The following EFHD1 variants were observed in gnomAD, a reference collection of about 807,000 sequenced individuals.
The protein encoded by EFHD1 is EF-hand domain family member D1.
Under a neutral mutation model 17.2 loss-of-function variants are expected in EFHD1, and 10 were observed. The ratio of observed to expected loss-of-function variants is 0.58; its 90% CI spans 0.36 to 0.99. The LOEUF is 0.99. Ranked by LOEUF, EFHD1 falls within the 50% of genes least tolerant of loss-of-function variation. The pLI, the probability that EFHD1 is intolerant of heterozygous loss-of-function variation, is 0.01. For missense variants in EFHD1, 310 were observed against 327.5 expected, an observed-to-expected ratio of 0.95 and a Z score of 0.41; for synonymous variants, 153 against 142.0, an observed-to-expected ratio of 1.08 and a Z score of -0.55.
chr2:232,681,788 C>T lies in EFHD1; in HGVS notation c.*69C>T. ...GCCCCGAGAAGAGATGACTAGGCATCTTCATCACTGCTGTCGGTCCCCTCC... is the reference window on the plus strand; with the variant it reads ...GCCCCGAGAAGAGATGACTAGGCATTTTCATCACTGCTGTCGGTCCCCTCC... On this transcript the variant is annotated 3_prime_UTR_variant, in exon 4 of 4. Transcript: ENST00000264059. 6.4e-7 allele frequency: 1 copy of T among 1,561,726 alleles called. No homozygotes were observed. The highest frequency in any genetic ancestry group is 8.7e-7 in the Non-Finnish European group (1 of 1,153,496).
At chr2:232,675,597 C>T (rs563403450) in intron 3 of EFHD1, among the ~76,000 whole-genome samples, 75 of 152,230 alleles carry the variant, frequency 4.9e-4, no homozygotes, top group African/African-American at 1.7e-3. Flanking sequence ...GATGCACAGC[C>T]GCAGGTGCAG....
intron 1 of EFHD1, among the ~76,000 whole-genome samples, chr2:232,637,963 G>A (rs1336569482): frequency 2.0e-5 from 3 of 152,166 alleles, no homozygotes; most frequent in African/African-American, 7.2e-5. Context: ...AATGAGGCTG[G>A]CTCCTAAATG....
chr2:232,632,258 T>A (rs886633339), upstream of EFHD1, among the ~76,000 whole-genome samples: 1 of 152,234 alleles, frequency 6.6e-6, no homozygotes, highest in East Asian at 1.9e-4. Flanking sequence ...AAGATTTTTA[T>A]ACTTTTCTTT....
At chr2:232,614,078 C>CACACATGCACACACATTAT (rs1228920784) in intron 1 of EFHD1, among the ~76,000 whole-genome samples, 51 of 143,240 alleles carry the variant, frequency 3.6e-4, no homozygotes, top group African/African-American at 1.0e-3. Context: ...ACACATTATA[C>CACACATGCACACACATTAT]ACACATATAT....
chr2:232,624,512 C>T (rs917534945), intron 1 of EFHD1, among the ~76,000 whole-genome samples: 1 of 152,252 alleles, frequency 6.6e-6, no homozygotes, highest in African/African-American at 2.4e-5. Flanking sequence ...AGGGCCTATG[C>T]CAGGGGGCAC....
At chr2:232,623,150 G>A (rs1211377250) in intron 1 of EFHD1, among the ~76,000 whole-genome samples, 1 of 152,056 alleles carries the variant, frequency 6.6e-6, no homozygotes, top group African/African-American at 2.4e-5. Context: ...GGGCTCAAAC[G>A]ATCCTCCTAC....
intron 1 of EFHD1, among the ~76,000 whole-genome samples, chr2:232,609,371 A>G (rs1437124566): frequency 6.6e-6 from 1 of 152,148 alleles, no homozygotes; most frequent in African/African-American, 2.4e-5. Flanking sequence ...AAGATGCATG[A>G]GTTCTTAAAG....
chr2:232,652,282 A>G (rs998416697), intron 1 of EFHD1, among the ~76,000 whole-genome samples: 2 of 152,178 alleles, frequency 1.3e-5, no homozygotes, highest in Non-Finnish European at 2.9e-5. Flanking sequence ...CGTGACTCCT[A>G]TCATTTCTGT....
chr2:232,663,474 C>T (rs1258213844), intron 2 of EFHD1, among the ~76,000 whole-genome samples: 4 of 151,820 alleles, frequency 2.6e-5, no homozygotes, highest in Admixed American at 6.6e-5. Flanking sequence ...TGAGTTCAGG[C>T]GATTTGTGCC....
At chr2:232,608,091 C>A (rs1193722131) in intron 1 of EFHD1, among the ~76,000 whole-genome samples, 1 of 152,090 alleles carries the variant, frequency 6.6e-6, no homozygotes, top group African/African-American at 2.4e-5. Context: ...TGCTGTAGGC[C>A]GGGCGTGGTG....
chr2:232,677,229 C>CACACGT (rs1695191465), intron 3 of EFHD1, among the ~76,000 whole-genome samples: 1 of 140,968 alleles, frequency 7.1e-6, no homozygotes, highest in South Asian at 2.3e-4. Flanking sequence ...CACACACACA[C>CACACGT]ACACACACAC....
intron 1 of EFHD1, among the ~76,000 whole-genome samples, chr2:232,610,064 C>T (rs78112880): frequency 6.6e-4 from 101 of 152,316 alleles, no homozygotes; most frequent in Non-Finnish European, 1.3e-3. Context: ...CAGGGCACAG[C>T]GCCTGTCCCG....
chr2:232,671,355 C>A (rs1230549211), intron 2 of EFHD1, among the ~76,000 whole-genome samples: 1 of 152,008 alleles, frequency 6.6e-6, no homozygotes, highest in Non-Finnish European at 1.5e-5. Context: ...CATAGGACCA[C>A]CTGAGCCCAG....
At chr2:232,632,487 C>A (rs779876454), upstream of EFHD1, among the ~76,000 whole-genome samples, 2 of 152,218 alleles carry the variant, frequency 1.3e-5, no homozygotes, top group African/African-American at 2.4e-5. Context: ...CAACGCCTGG[C>A]TGATGTAACA....
At chr2:232,609,859 G>A (rs1693779856) in intron 1 of EFHD1, among the ~76,000 whole-genome samples, 1 of 152,222 alleles carries the variant, frequency 6.6e-6, no homozygotes, top group African/African-American at 2.4e-5. Flanking sequence ...GGCCAGGGGA[G>A]TGGTGGCTGA....
At chr2:232,608,132 G>A (rs1023114231) in intron 1 of EFHD1, among the ~76,000 whole-genome samples, 1 of 152,166 alleles carries the variant, frequency 6.6e-6, no homozygotes, top group Non-Finnish European at 1.5e-5. Context: ...CACTTTGGGA[G>A]GCCAAGGCAG....
chr2:232,673,905 T>C (rs774367135), intron 3 of EFHD1, among the ~76,000 whole-genome samples: 8 of 142,830 alleles, frequency 5.6e-5, no homozygotes, highest in Non-Finnish European at 1.2e-4. Context: ...TTAAGACTTC[T>C]TCTTTTTTTT....
exon 1 of EFHD1, chr2:232,606,116 T>G: frequency 6.5e-7 from 1 of 1,549,000 alleles, no homozygotes; most frequent in East Asian, 2.4e-5. Flanking sequence ...GTACTGTCCC[T>G]GTGAAGGCCA....
At chr2:232,676,516 T>C (rs992550306) in intron 3 of EFHD1, among the ~76,000 whole-genome samples, 8 of 152,116 alleles carry the variant, frequency 5.3e-5, no homozygotes, top group African/African-American at 1.7e-4. Flanking sequence ...GAACCTGCCA[T>C]TGGAAAACGC....
Sources: gnomAD v4.1 joint callset for allele counts (sites outside exome capture counted in the v4.1 genomes callset) on GRCh38, gnomAD v4.1.1 for gene constraint, MANE v1.5 for transcripts, NCBI Gene and HGNC (gene_info 2026-07-23, HGNC 2026-07-21) for gene names.